HERC6: variants seen among roughly 807,000 people sequenced by gnomAD.
HERC6 encodes HECT and RLD domain containing E3 ubiquitin protein ligase family member 6.
HERC6 carries 101 observed loss-of-function variants against 114.5 expected under a neutral mutation model. The ratio of observed to expected loss-of-function variants is 0.88; its 90% CI spans 0.75 to 1.04. HERC6 has a LOEUF of 1.04. HERC6 is among the 50% of genes least tolerant of loss of function. The pLI, the probability that HERC6 is intolerant of heterozygous loss-of-function variation, is 0.00. For synonymous variants in HERC6, 408 were observed against 436.2 expected, an observed-to-expected ratio of 0.94 and a Z score of 0.81; for missense variants, 1,133 against 1,230.9, an observed-to-expected ratio of 0.92 and a Z score of 1.19.
At chr4:88,409,338 T>C (rs1735968339) in intron 11 of HERC6, among the ~76,000 whole-genome samples, 1 of 152,178 alleles carries the variant, frequency 6.6e-6, no homozygotes, top group African/African-American at 2.4e-5. Context: ...AGCCAACCTG[T>C]GAGGCTGGAA....
intron 22 of HERC6, chr4:88,440,535 G>A: frequency 3.1e-6 from 1 of 324,052 alleles, no homozygotes; most frequent in Non-Finnish European, 5.6e-6. Flanking sequence ...ATGAGCTAGT[G>A]AGGAGGTGGT....
rs148872525 is a variant in HERC6, at chr4:88,410,858, G to A, written c.1369-2219G>A. Among the ~76,000 whole-genome samples the A allele has an allele frequency of 1.6e-4, 25 of 152,308 alleles. 1 individual carries two copies. The East Asian group carries it at 4.8e-3, about 29-fold the overall frequency. On this transcript the variant is annotated intron_variant, in intron 11 of 22. Transcript: ENST00000264346. The stretch of plus-strand genomic sequence containing the variant: ...AGACAAATGGAAGGTATGACAGTTT[G>A]TGAGAATGTTTGTTTATGCAATTTC...
rs1215945523 is a variant in HERC6, at chr4:88,440,248, T to G, written c.2840T>G (p.Leu947Arg). ...ACCTTGGATGAAAAGAAAAAATTCC[T>G]CTGTAAGTACTGTGGTACTAGATGG... Reference protein sequence around the residue: ...KLTLDEKKKFLFFLTGRDRLH... With the variant: ...KLTLDEKKKFRFFLTGRDRLH... Residue 947 changes from leucine (L) to arginine (R), a missense_variant and splice_region_variant, in exon 22 of 23, where the codon CTC becomes CGC. This residue lies in a region of HERC6 where 388 missense variants were observed against 445.9 expected (regional missense o/e 0.87). Coordinates refer to ENST00000264346, the MANE Select transcript of HERC6 (RefSeq NM_017912.4). The G allele has an allele frequency of 6.6e-7, 1 of 1,525,626 alleles. No individual in the cohort carries two copies. The highest frequency in any genetic ancestry group is 1.8e-5 in the Admixed American group (1 of 55,924). The allele number at this position is 1,525,626 out of a possible 1,614,324, so 94.5% of individuals were successfully genotyped here.
intron 5 of HERC6, 76 bp from the exon 6 acceptor site, chr4:88,395,939 G>C (rs1735206110): frequency 2.2e-6 from 3 of 1,365,368 alleles, no homozygotes; most frequent in Non-Finnish European, 3.0e-6. Flanking sequence ...ATTAACTCTT[G>C]TATGACACTT....
intron 11 of HERC6, among the ~76,000 whole-genome samples, chr4:88,409,841 C>T (rs1477530330): frequency 6.6e-6 from 1 of 152,130 alleles, no homozygotes; most frequent in African/African-American, 2.4e-5. Context: ...CAGGTTTGAG[C>T]TGGTGGATGG....
At chr4:88,415,872 T>C (rs1736428641) in intron 12 of HERC6, among the ~76,000 whole-genome samples, 1 of 152,210 alleles carries the variant, frequency 6.6e-6, no homozygotes, top group African/African-American at 2.4e-5. Flanking sequence ...AAACCTCAAA[T>C]ATGCCTCTTC....
At chr4:88,383,527 G>A (rs1391864481) in intron 2 of HERC6, 147 bp downstream of exon 2, 1 of 557,142 alleles carries the variant, frequency 1.8e-6, no homozygotes, top group African/African-American at 2.0e-5. Context: ...GGAAGGCTAA[G>A]GTGGGCAGAT....
At chr4:88,421,134 T>C (rs930278149) in intron 13 of HERC6, among the ~76,000 whole-genome samples, 8 of 152,244 alleles carry the variant, frequency 5.3e-5, no homozygotes, top group Admixed American at 1.3e-4. Context: ...TTCTTTTTTA[T>C]TGATGAATAA....
intron 10 of HERC6, among the ~76,000 whole-genome samples, chr4:88,406,261 A>T (rs1285387438): frequency 6.6e-6 from 1 of 152,236 alleles, no homozygotes; most frequent in South Asian, 2.1e-4. Flanking sequence ...AGTGTAACTC[A>T]TATGGGTTCT....
intron 2 of HERC6, among the ~76,000 whole-genome samples, chr4:88,384,269 G>A (rs1222256587): frequency 2.6e-5 from 4 of 152,128 alleles, no homozygotes; most frequent in Admixed American, 6.6e-5. Flanking sequence ...CTGCAATAGC[G>A]AGCATGCTTG....
intron 10 of HERC6, among the ~76,000 whole-genome samples, chr4:88,408,190 TG>T (rs897380891): frequency 6.0e-5 from 9 of 150,638 alleles, no homozygotes; most frequent in African/African-American, 2.2e-4. Context: ...GTAAGGAGGG[TG>T]GGGGGTAGGT....
chr4:88,379,819 A>G (rs1734095258), intron 1 of HERC6, among the ~76,000 whole-genome samples: 1 of 81,792 alleles, frequency 1.2e-5, no homozygotes, highest in South Asian at 3.3e-4. Flanking sequence ...AAATATATAT[A>G]TAACATATAA....
chr4:88,435,892 G>C lies in HERC6; in HGVS notation c.2417+1G>C, dbSNP rs1472320611. The C allele has an allele frequency of 6.3e-7, 1 of 1,597,332 alleles. No individual in the cohort carries two copies. Among genetic ancestry groups the C allele is most frequent in the Non-Finnish European group, 8.5e-7 (1 of 1,173,534 alleles). ...AAGAACTCAGTCCTCGGTTGGGGAA[G>C]TAAGTAAATATAACGTTTTTTCAGG... is the stretch of plus-strand genomic sequence containing the variant. On this transcript the variant is annotated splice_donor_variant, in intron 18 of 22. Transcript: ENST00000264346. LOFTEE classifies it high-confidence loss of function.
chr4:88,380,949 A>T (rs11097187), intron 1 of HERC6, among the ~76,000 whole-genome samples: 1 of 151,896 alleles, frequency 6.6e-6, no homozygotes, highest in Non-Finnish European at 1.5e-5. Context: ...AACTCTGTAC[A>T]TTGTGTTTTC....
chr4:88,398,530 G>A (rs1032910026), intron 8 of HERC6: 2 of 192,848 alleles, frequency 1.0e-5, no homozygotes, highest in Non-Finnish European at 2.1e-5. Flanking sequence ...TCTTCAGGAG[G>A]GAACTGAATT....
At chr4:88,423,760 T>G (rs922135984) in intron 13 of HERC6, 100 bp from the exon 14 acceptor site, 1 of 461,612 alleles carries the variant, frequency 2.2e-6, no homozygotes, top group Non-Finnish European at 3.8e-6. Context: ...AGAGCTTTCT[T>G]CTTCTTATCT....
chr4:88,398,998 T>C (rs940044549), intron 8 of HERC6: 2 of 152,232 alleles, frequency 1.3e-5, no homozygotes, highest in African/African-American at 4.8e-5. Context: ...TTATCCACCA[T>C]GCTATAGTGC....
chr4:88,397,112 A>T, intron 7 of HERC6, 125 bp downstream of exon 7: 1 of 740,394 alleles, frequency 1.4e-6, no homozygotes, highest in East Asian at 3.4e-5. Flanking sequence ...TTTTATTTTT[A>T]TTTATTTATT....
chr4:88,393,337 A>G (rs988621177), intron 4 of HERC6, 151 bp from the exon 5 acceptor site: 6 of 357,750 alleles, frequency 1.7e-5, no homozygotes, highest in Non-Finnish European at 3.0e-5. Flanking sequence ...ATAAATACTC[A>G]TGAAATCTGA....
Sources: gnomAD v4.1 joint callset for allele counts (sites outside exome capture counted in the v4.1 genomes callset) on GRCh38, gnomAD v4.1.1 for gene constraint, gnomAD v4.1.1 regional missense constraint, MANE v1.5 for transcripts, NCBI Gene and HGNC (gene_info 2026-07-23, HGNC 2026-07-21) for gene names.